Variants in SOX5 observed in about 807,000 individuals in gnomAD.
SOX5 encodes SRY-box transcription factor 5, also known as transcription factor SOX-5.
In SOX5, 9 loss-of-function variants were observed where a neutral mutation model predicts 92.0. That is an observed-to-expected ratio of 0.10 (90% CI 0.06 to 0.17). The LOEUF is 0.17. Among genes scored for constraint, SOX5 ranks in the 10% least tolerant of loss-of-function variants. The pLI is 1.00. For synonymous variants in SOX5, 344 were observed against 336.3 expected (o/e 1.02, Z -0.25); for missense variants, 642 against 944.5 (o/e 0.68, Z 4.20).
chr12:23,678,470 T>C (rs1004908838), intron 6 of SOX5, among the ~76,000 whole-genome samples: 3 of 152,124 alleles, frequency 2.0e-5, no homozygotes, highest in Non-Finnish European at 2.9e-5. Flanking sequence ...TTCTTTGTCA[T>C]CAAAATTGTG....
chr12:24,202,981 A>C (rs1417084232), intron 4 of SOX5, among the ~76,000 whole-genome samples: 2 of 152,148 alleles, frequency 1.3e-5, no homozygotes, highest in Non-Finnish European at 2.9e-5. Flanking sequence ...ATTTTCACCC[A>C]CAAATTTAGC....
At chr12:24,548,809 G>A (rs1340608263) in intron 1 of SOX5, among the ~76,000 whole-genome samples, 2 of 152,038 alleles carry the variant, frequency 1.3e-5, no homozygotes, top group Admixed American at 6.5e-5. Context: ...ACCCAAATCC[G>A]TTCATTCCTG....
chr12:23,819,111 T>C (rs918471267), intron 3 of SOX5, among the ~76,000 whole-genome samples: 1 of 152,236 alleles, frequency 6.6e-6, no homozygotes, highest in Non-Finnish European at 1.5e-5. Flanking sequence ...TTATCAAGTA[T>C]TATGTACTGT....
At chr12:23,947,800 T>TG (rs201884818) in intron 1 of SOX5, among the ~76,000 whole-genome samples, 1,544 of 151,418 alleles carry the variant, frequency 0.01, 20 homozygotes, top group African/African-American at 0.035. Context: ...AAGAGATAAT[T>TG]GAAAAAAAAA....
intron 1 of SOX5, among the ~76,000 whole-genome samples, chr12:24,497,598 G>T (rs905766212): frequency 3.9e-5 from 6 of 152,202 alleles, no homozygotes; most frequent in Non-Finnish European, 7.3e-5. Flanking sequence ...TACACTGTTG[G>T]TGGGAGTGTA....
intron 2 of SOX5, among the ~76,000 whole-genome samples, chr12:24,359,119 A>C (rs1955209277): frequency 6.6e-6 from 1 of 152,210 alleles, no homozygotes. Flanking sequence ...TTTGGCTTGA[A>C]ATTCTCATAT....
In SOX5 at chr12:23,814,740, G is replaced by C. The variant is rs142987599; in HGVS notation, c.481+31243C>G. Among the ~76,000 whole-genome samples the C allele has an allele frequency of 1.8e-3, 277 of 152,278 alleles. 4 individuals carry two copies. In the East Asian group the frequency reaches 0.043, roughly 24 times the overall value. ...TGAGCAATTCACAAAGCACGTTAGA[G>C]ACTGAAGCAAACACTGCAAACATTG... On this transcript the variant is annotated intron_variant, in intron 3 of 14. Coordinates refer to ENST00000451604, the MANE Select transcript of SOX5 (RefSeq NM_006940.6).
At chr12:24,150,136 A>G (rs1407953398) in intron 4 of SOX5, among the ~76,000 whole-genome samples, 1 of 152,174 alleles carries the variant, frequency 6.6e-6, no homozygotes, top group East Asian at 1.9e-4. Context: ...GCAGTTCATT[A>G]TCAGTTATAT....
chr12:23,894,313 T>C (rs2097156988), intron 2 of SOX5, among the ~76,000 whole-genome samples: 1 of 151,996 alleles, frequency 6.6e-6, no homozygotes, highest in African/African-American at 2.4e-5. Flanking sequence ...CTGCAACCTC[T>C]GCCTCCTGGG....
At chr12:24,156,466 C>T (rs1341977339) in intron 4 of SOX5, among the ~76,000 whole-genome samples, 1 of 152,062 alleles carries the variant, frequency 6.6e-6, no homozygotes, top group Non-Finnish European at 1.5e-5. Flanking sequence ...AGACTTGTTA[C>T]CATTTTACTT....
At chr12:23,746,318 G>A (rs2093983510) in intron 4 of SOX5, among the ~76,000 whole-genome samples, 2 of 152,002 alleles carry the variant, frequency 1.3e-5, no homozygotes, top group Non-Finnish European at 2.9e-5. Flanking sequence ...GCAAAAAGGA[G>A]CTACTCTTTA....
chr12:23,817,467 T>A (rs2096017383), intron 3 of SOX5, among the ~76,000 whole-genome samples: 1 of 152,160 alleles, frequency 6.6e-6, no homozygotes. Context: ...TCTCTGGAAG[T>A]TGTGAATAAG....
chr12:23,649,231 G>T (rs901003284), intron 7 of SOX5, among the ~76,000 whole-genome samples: 14 of 151,838 alleles, frequency 9.2e-5, no homozygotes, highest in African/African-American at 3.4e-4. Context: ...TCACAAACAA[G>T]GTCAGGGGTC....
intron 8 of SOX5, among the ~76,000 whole-genome samples, chr12:23,637,231 T>C (rs921879100): frequency 3.9e-5 from 6 of 152,228 alleles, no homozygotes; most frequent in Non-Finnish European, 7.3e-5. Context: ...TTCCTCCAAC[T>C]GGTCTTCCTA....
rs138376809 is a variant in SOX5, at chr12:23,750,281, T to C, written c.568+5357A>G. ...GAATTAAATAATGTTGTCACAATAA[T>C]TTTGTAAGAAAGATGTTTACGCAGT... On this transcript the variant is annotated intron_variant, in intron 4 of 14. Coordinates refer to ENST00000451604, the MANE Select transcript of SOX5 (RefSeq NM_006940.6). 1.7e-3 allele frequency among the ~76,000 whole-genome samples: 262 copies of C among 152,042 alleles called. 1 individual carries two copies. The highest frequency in any genetic ancestry group is 6.1e-3 in the African/African-American group (254 of 41,532).
chr12:24,008,512 T>A (rs1374359555), intron 4 of SOX5, among the ~76,000 whole-genome samples: 1 of 152,136 alleles, frequency 6.6e-6, no homozygotes, highest in African/African-American at 2.4e-5. Flanking sequence ...TCCACCTATA[T>A]ATTTTTGAGG....
At chr12:24,469,501 A>C (rs1182716360) in intron 1 of SOX5, among the ~76,000 whole-genome samples, 1 of 152,136 alleles carries the variant, frequency 6.6e-6, no homozygotes, top group African/African-American at 2.4e-5. Context: ...TCTATGTTCT[A>C]TATTCACGAC....
intron 1 of SOX5, among the ~76,000 whole-genome samples, chr12:24,555,962 C>T (rs1953738378): frequency 6.6e-6 from 1 of 152,218 alleles, no homozygotes; most frequent in Admixed American, 6.5e-5. Flanking sequence ...CTGCTCCCAG[C>T]CAATGACTGA....
At chr12:23,611,101 G>C (rs2075893423) in intron 8 of SOX5, among the ~76,000 whole-genome samples, 1 of 152,012 alleles carries the variant, frequency 6.6e-6, no homozygotes, top group African/African-American at 2.4e-5. Flanking sequence ...TTTGCTTAAA[G>C]TTTAATTTTC....
Sources: gnomAD v4.1 joint callset for allele counts (sites outside exome capture counted in the v4.1 genomes callset) on GRCh38, gnomAD v4.1.1 for gene constraint, MANE v1.5 for transcripts, NCBI Gene and HGNC (gene_info 2026-07-23, HGNC 2026-07-21) for gene names.